The following CEP250 variants were observed in gnomAD, a reference collection of about 807,000 sequenced individuals.
CEP250 encodes the protein centrosome-associated protein CEP250.
Under a neutral mutation model 315.7 loss-of-function variants are expected in CEP250, and 242 were observed. The observed-to-expected ratio is 0.77, with a 90% CI of 0.69 to 0.85. CEP250 has a LOEUF of 0.85. Ranked by LOEUF, CEP250 falls within the 40% of genes least tolerant of loss-of-function variation. CEP250 has a pLI of 0.00. For missense variants in CEP250, 2,515 were observed against 2,886.4 expected, an observed-to-expected ratio of 0.87 and a Z score of 2.95; for synonymous variants, 1,088 against 1,175.0, an observed-to-expected ratio of 0.93 and a Z score of 1.51.
chr20:35,490,810 A>C lies in CEP250; in HGVS notation c.2754+6A>C, dbSNP rs767394594. The C allele has an allele frequency of 6.2e-7, 1 of 1,611,540 alleles. No individual in the cohort carries two copies. Among genetic ancestry groups the C allele is most frequent in the African/African-American group, 1.3e-5 (1 of 74,834 alleles). Reference sequence around the variant, plus strand: ...CAGAGAGTGCCCTATGCCAGGTGGGAAGCTAGGAGGATTGGAGCTGCACGT... The same window carrying C: ...CAGAGAGTGCCCTATGCCAGGTGGGCAGCTAGGAGGATTGGAGCTGCACGT... On this transcript the variant is annotated splice_donor_region_variant and intron_variant, in intron 21 of 34. Transcript: ENST00000397527.
chr20:35,467,131 G>T, intron 8 of CEP250, 59 bp downstream of exon 8: 1 of 1,314,130 alleles, frequency 7.6e-7, no homozygotes, highest in Non-Finnish European at 1.1e-6. Context: ...ACTAATAACA[G>T]TGGGCTGCTA....
intron 20 of CEP250, among the ~76,000 whole-genome samples, chr20:35,489,965 G>A (rs1395044484): frequency 6.6e-6 from 1 of 152,036 alleles, no homozygotes; most frequent in Non-Finnish European, 1.5e-5. Context: ...GACCACTTGC[G>A]CCCAGGAGTT....
upstream of CEP250, chr20:35,455,390 G>A (rs928847135): frequency 6.6e-6 from 1 of 152,282 alleles, no homozygotes; most frequent in African/African-American, 2.4e-5. Flanking sequence ...GGGCTGGGAC[G>A]CGTCGTTAGG....
chr20:35,488,439 C>CT (rs1321615723), intron 20 of CEP250, among the ~76,000 whole-genome samples: 2 of 152,028 alleles, frequency 1.3e-5, no homozygotes, highest in Admixed American at 6.6e-5. Context: ...AGGAAGACCT[C>CT]TTTTTTTTCT....
At chr20:35,499,616 G>C (rs756939680) in intron 27 of CEP250, among the ~76,000 whole-genome samples, 5 of 152,258 alleles carry the variant, frequency 3.3e-5, no homozygotes, top group Non-Finnish European at 5.9e-5. Context: ...CTGGAAAGCA[G>C]AACTGAGAGA....
chr20:35,503,919 C>A lies in CEP250; in HGVS notation c.5550C>A (p.Ala1850=). 6.2e-7 allele frequency: 1 copy of A among 1,613,750 alleles called. No homozygotes were observed. Among genetic ancestry groups the A allele is most frequent in the Admixed American group, 1.7e-5 (1 of 59,944 alleles). ...ADALQGALEQ[A]HMTLKERHGE... ...CCCTCCAGGGAGCTCTGGAGCAAGC[C>A]CATATGACACTGAAGGAGCGTCATG... is the stretch of plus-strand genomic sequence containing the variant. The change falls in exon 30 of 35, where the codon GCC becomes GCA. Residue 1850 remains alanine (A), a synonymous_variant. Coordinates refer to ENST00000397527, the MANE Select transcript of CEP250 (RefSeq NM_007186.6). The surrounding 1 kb of genome is among the most constrained non-coding windows in gnomAD (Gnocchi z 4.2).
chr20:35,484,370 G>C (rs1006401801), intron 20 of CEP250, among the ~76,000 whole-genome samples: 1 of 152,190 alleles, frequency 6.6e-6, no homozygotes, highest in East Asian at 1.9e-4. Flanking sequence ...TTGACCCACA[G>C]TCAGGCCCAG....
Position 35,515,437 on chromosome 20 carries a change from A to G in CEP250, c.*3811A>G, listed in dbSNP as rs1301970274. 2.0e-5 allele frequency: 3 copies of G among 152,260 alleles called. No individual in the cohort carries two copies. The highest frequency in any genetic ancestry group is 6.5e-5 in the Admixed American group (1 of 15,278). 9.4% of individuals were successfully genotyped at this position (152,260 alleles called of 1,614,324 possible). A position where few individuals can be genotyped will look rare whatever the true frequency, so the allele number is the denominator to read the frequency against. The stretch of plus-strand genomic sequence containing the variant: ...ATGCTGGTGAAGGCAGGCTTTGTAG[A>G]TGCGGGGCTGAATTGAGCAGCCACA... On this transcript the variant is annotated 3_prime_UTR_variant, in exon 35 of 35. Coordinates refer to ENST00000397527, the MANE Select transcript of CEP250 (RefSeq NM_007186.6).
At position 35,515,194 on chromosome 20, in the gene CEP250, G is replaced by A. The variant is rs1485479484; in HGVS notation, c.*3568G>A. On this transcript the variant is annotated 3_prime_UTR_variant, in exon 35 of 35. Transcript: ENST00000397527. Reference sequence around the variant, plus strand: ...GTGTCCTAGCATTGGTGCCTATGGAGAAGAACACAGACTGTTTATCACTCA... The same window carrying A: ...GTGTCCTAGCATTGGTGCCTATGGAAAAGAACACAGACTGTTTATCACTCA... 6.6e-6 allele frequency: 1 copy of A among 152,226 alleles called. No homozygotes were observed. Among genetic ancestry groups the A allele is most frequent in the African/African-American group, 2.4e-5 (1 of 41,446 alleles). 9.4% of individuals were successfully genotyped at this position (152,226 alleles called of 1,614,324 possible).
At chr20:35,497,561 A>G (rs187878542) in intron 25 of CEP250, among the ~76,000 whole-genome samples, 158 bp from the exon 26 acceptor site, 2 of 151,910 alleles carry the variant, frequency 1.3e-5, no homozygotes, top group Non-Finnish European at 2.9e-5. Flanking sequence ...CTAGGGTAAC[A>G]CTCATTTCAG....
At chr20:35,463,656 C>A (rs761099997) in intron 5 of CEP250, 25 bp downstream of exon 5, 13 of 1,583,122 alleles carry the variant, frequency 8.2e-6, no homozygotes, top group South Asian at 2.3e-5. Flanking sequence ...GCTCTCTGCA[C>A]CCCCTGGGTC....
Position 35,502,715 on chromosome 20 carries a change from A to T in CEP250, c.4346A>T (p.Lys1449Met), listed in dbSNP as rs531936866. Residue 1449 changes from lysine to methionine, a missense_variant, in exon 30 of 35, where the codon AAG (lysine) becomes ATG (methionine). Lys to Met is a moderately conservative substitution (Grantham distance 95, BLOSUM62 -1). Coordinates refer to ENST00000397527, the MANE Select transcript of CEP250 (RefSeq NM_007186.6). The stretch of plus-strand genomic sequence containing the variant: ...CGGGGACAAATCCAGGAACTGGAGA[A>T]GCAACGGGAAATGCAGAAGGCTGCT... ...TLRGQIQELEKQREMQKAALE... is the reference protein window; with the variant it reads ...TLRGQIQELEMQREMQKAALE... The T allele has an allele frequency of 2.5e-6, 4 of 1,614,284 alleles. No homozygotes were observed. Among genetic ancestry groups the T allele is most frequent in the Non-Finnish European group, 3.4e-6 (4 of 1,180,052 alleles).
In CEP250 at chr20:35,479,414, C is replaced by T. The variant is rs1236145886; in HGVS notation, c.2278C>T (p.Gln760Ter). ...CCGGCAGGACCTCGCTGAACAACTA[C>T]AGGGGCTCAGGTAGGGCCCAGACTC... ...RDRQDLAEQL[Q>*]GLSSAKELLE... Residue 760 changes from glutamine (Q) to a stop codon, truncating the protein, a stop_gained, in exon 18 of 35, where the codon CAG becomes TAG. Coordinates refer to ENST00000397527, the MANE Select transcript of CEP250 (RefSeq NM_007186.6). LOFTEE classifies it high-confidence loss of function. The T allele has an allele frequency of 2.5e-6, 4 of 1,613,212 alleles. No homozygotes were observed. Among genetic ancestry groups the T allele is most frequent in the African/African-American group, 2.7e-5 (2 of 74,906 alleles).
rs186353757 is a variant in CEP250 at position 35,482,321 on chromosome 20, T to C, written c.2586+2176T>C. 5.3e-3 allele frequency among the ~76,000 whole-genome samples: 799 copies of C among 152,140 alleles called. 1 individual carries two copies. Among genetic ancestry groups the C allele is most frequent in the African/African-American group, 0.019 (771 of 41,508 alleles). On this transcript the variant is annotated intron_variant, in intron 20 of 34. Transcript: ENST00000397527. ...ATCTTGGCTCACTGCAAGGTCCGCCTCTGGGTTCACGCCATTCTCCTGCCT... is the reference window on the plus strand; with the variant it reads ...ATCTTGGCTCACTGCAAGGTCCGCCCCTGGGTTCACGCCATTCTCCTGCCT...
chr20:35,497,717 A>G lies in CEP250; in HGVS notation c.3307-2A>G, dbSNP rs2063880560. 1 of 1,541,870 alleles carries G rather than the reference A, an allele frequency of 6.5e-7. No homozygotes were observed. The highest frequency in any genetic ancestry group is 8.8e-7 in the Non-Finnish European group (1 of 1,140,656). ...ATATTATGTAAAATTCTTCCTTGAC[A>G]GATGGAATTACTAAGGCAAGAGGTG... is the stretch of plus-strand genomic sequence containing the variant. On this transcript the variant is annotated splice_acceptor_variant, in intron 25 of 34. Transcript: ENST00000397527. LOFTEE classifies it high-confidence loss of function.
chr20:35,507,476 C>T (rs6088869), intron 30 of CEP250, among the ~76,000 whole-genome samples: 416 of 152,318 alleles, frequency 2.7e-3, no homozygotes, highest in Non-Finnish European at 5.0e-3. Context: ...ATTGCTCAGC[C>T]TTCTAGGAGA....
chr20:35,489,094 G>A (rs1601235566), intron 20 of CEP250, among the ~76,000 whole-genome samples: 1 of 151,808 alleles, frequency 6.6e-6, no homozygotes, highest in Non-Finnish European at 1.5e-5. Flanking sequence ...AGGCTGAGGC[G>A]GGAGAATCAC....
At chr20:35,473,246 C>G in intron 12 of CEP250, 128 bp from the exon 13 acceptor site, 2 of 703,774 alleles carry the variant, frequency 2.8e-6, no homozygotes, top group Non-Finnish European at 4.7e-6. Context: ...TGAATAGTTG[C>G]ATCTCCCTTC....
chr20:35,505,192 C>T (rs1265460760), intron 30 of CEP250, among the ~76,000 whole-genome samples, 187 bp downstream of exon 30: 1 of 152,212 alleles, frequency 6.6e-6, no homozygotes, highest in Non-Finnish European at 1.5e-5. Flanking sequence ...ATAAGAACCC[C>T]ACAGTCCCTG....
Sources: gnomAD v4.1 joint callset for allele counts (sites outside exome capture counted in the v4.1 genomes callset) on GRCh38, gnomAD v4.1.1 for gene constraint, Gnocchi (gnomAD v3.1) non-coding constraint, MANE v1.5 for transcripts, NCBI Gene and HGNC (gene_info 2026-07-23, HGNC 2026-07-21) for gene names.